The following DCAF5 variants were observed in gnomAD, a reference collection of about 807,000 sequenced individuals.
The protein encoded by DCAF5 is DDB1- and CUL4-associated factor 5.
A neutral mutation model predicts 80.7 loss-of-function variants in DCAF5; 9 were observed. That is an observed-to-expected ratio of 0.11 (90% CI 0.07 to 0.19). The LOEUF is 0.19. Among genes scored for constraint, DCAF5 ranks in the 10% least tolerant of loss-of-function variants. The probability of loss-of-function intolerance (pLI) is 1.00; values close to 1 mark genes in which losing one functional copy is unlikely to be tolerated. For missense variants in DCAF5, 842 were observed against 1,205.7 expected (o/e 0.70, Z 4.47); for synonymous variants, 433 against 461.9 (o/e 0.94, Z 0.80).
intron 5 of DCAF5, among the ~76,000 whole-genome samples, chr14:69,097,751 T>C (rs1406525124): frequency 6.6e-6 from 1 of 151,776 alleles, no homozygotes; most frequent in African/African-American, 2.4e-5. Context: ...TATGCCTGGC[T>C]AATTTTTGTA....
Position 69,116,478 on chromosome 14 carries a change from T to A in DCAF5, c.553A>T (p.Asn185Tyr). The change falls in exon 5 of 9, where the codon AAC becomes TAC. Residue 185 changes from asparagine (N) to tyrosine (Y), a missense_variant. Asn to Tyr is a moderately radical substitution (Grantham distance 143). Coordinates refer to ENST00000341516, the MANE Select transcript of DCAF5 (RefSeq NM_003861.3). ...ACACTATGAAAGGCTGATGGATAGTTTGCCAGGCAGAAGGGCTCTGTGGAA... is the reference window on the plus strand; with the variant it reads ...ACACTATGAAAGGCTGATGGATAGTATGCCAGGCAGAAGGGCTCTGTGGAA... ...SPHGEPFCLA[N>Y]YPSAFHSVMF... is the part of the protein sequence containing the mutation. 6.2e-7 allele frequency: 1 copy of A among 1,613,326 alleles called. No homozygotes were observed. Among genetic ancestry groups the A allele is most frequent in the Non-Finnish European group, 8.5e-7 (1 of 1,179,398 alleles).
intron 1 of DCAF5, among the ~76,000 whole-genome samples, chr14:69,148,242 C>G (rs766575220): frequency 6.6e-6 from 1 of 152,034 alleles, no homozygotes; most frequent in Non-Finnish European, 1.5e-5. Flanking sequence ...CCAAGATATC[C>G]CCTAAATATG....
intron 6 of DCAF5, among the ~76,000 whole-genome samples, chr14:69,087,257 A>G (rs1014458666): frequency 6.6e-6 from 1 of 152,178 alleles, no homozygotes; most frequent in African/African-American, 2.4e-5. Context: ...CCCTATTAAG[A>G]GACTCGCTCA....
At chr14:69,075,034 CAA>C (rs372341285) in intron 7 of DCAF5, among the ~76,000 whole-genome samples, 2 of 119,402 alleles carry the variant, frequency 1.7e-5, no homozygotes, top group Admixed American at 8.8e-5. Context: ...AACTTTGTCT[CAA>C]AAAAAAAAAA....
At chr14:69,115,229 A>C (rs1034122074) in intron 5 of DCAF5, among the ~76,000 whole-genome samples, 6 of 152,196 alleles carry the variant, frequency 3.9e-5, no homozygotes, top group Non-Finnish European at 7.3e-5. Context: ...CTGTAAAAGC[A>C]AGAGCCAGGT....
chr14:69,080,709 T>C (rs2039068386), intron 6 of DCAF5, among the ~76,000 whole-genome samples: 1 of 152,240 alleles, frequency 6.6e-6, no homozygotes, highest in South Asian at 2.1e-4. Context: ...AGGCAAGCTA[T>C]AGAAACATAG....
At position 69,054,213 on chromosome 14, in the gene DCAF5, G is replaced by A. The variant is rs1272146635; in HGVS notation, c.2473C>T (p.Leu825Phe). The A allele has an allele frequency of 1.2e-6, 2 of 1,614,130 alleles. No homozygotes were observed. Among genetic ancestry groups the A allele is most frequent in the Non-Finnish European group, 1.7e-6 (2 of 1,180,052 alleles). Reference protein sequence around the residue: ...TQSDDSEERSLETICANHNNG... With the variant: ...TQSDDSEERSFETICANHNNG... ...TTGTGGTTGGCACAGATGGTTTCGA[G>A]GCTCCTCTCCTCACTGTCATCAGAC... Residue 825 changes from leucine to phenylalanine, a missense_variant, in exon 9 of 9, where the codon CTC becomes TTC. Leu to Phe is a conservative substitution (Grantham distance 22). Coordinates refer to ENST00000341516, the MANE Select transcript of DCAF5 (RefSeq NM_003861.3).
In DCAF5 at chr14:69,152,809, T is replaced by C; in HGVS notation, c.170A>G (p.Asn57Ser). 6.2e-7 allele frequency: 1 copy of C among 1,614,018 alleles called. No homozygotes were observed. Among genetic ancestry groups the C allele is most frequent in the Non-Finnish European group, 8.5e-7 (1 of 1,179,964 alleles). Residue 57 changes from asparagine (N) to serine (S), a missense_variant, in exon 1 of 9, where the codon AAT becomes AGT. Asn to Ser is a conservative substitution (Grantham distance 46). Coordinates refer to ENST00000341516, the MANE Select transcript of DCAF5 (RefSeq NM_003861.3). This position sits in a 1 kb window ranked among gnomAD's most constrained non-coding sequence, Gnocchi z 4.1. ...TCCATTGTTGGAGAATTCAATGGCA[T>C]TGACACAGCCGAAGTGGCCGAGGAG... ...KDLLGHFGCV[N>S]AIEFSNNGGQ...
intron 1 of DCAF5, among the ~76,000 whole-genome samples, chr14:69,145,036 T>C (rs1193210290): frequency 2.0e-5 from 3 of 152,210 alleles, no homozygotes; most frequent in Non-Finnish European, 4.4e-5. Context: ...ATTTTTGCCA[T>C]ATCAACATAA....
chr14:69,068,294 A>G (rs1305557323), intron 7 of DCAF5, among the ~76,000 whole-genome samples: 1 of 152,248 alleles, frequency 6.6e-6, no homozygotes, highest in Non-Finnish European at 1.5e-5. Context: ...TAAAGCCCTC[A>G]TCATCCTCTC....
chr14:69,113,615 G>A (rs2040444299), intron 5 of DCAF5, among the ~76,000 whole-genome samples: 1 of 152,146 alleles, frequency 6.6e-6, no homozygotes. Flanking sequence ...CTAGGTTGGG[G>A]TTTCTAGGCA....
At chr14:69,081,342 C>A (rs1253401403) in intron 6 of DCAF5, among the ~76,000 whole-genome samples, 1 of 152,122 alleles carries the variant, frequency 6.6e-6, no homozygotes, top group Admixed American at 6.5e-5. Flanking sequence ...TGGGAAATAT[C>A]AATGCTAAAA....
intron 1 of DCAF5, among the ~76,000 whole-genome samples, chr14:69,125,807 G>GC (rs2040854547): frequency 6.6e-6 from 1 of 151,994 alleles, no homozygotes; most frequent in South Asian, 2.1e-4. Context: ...GGTAATAAAA[G>GC]CAAGTTTCGA....
chr14:69,136,971 G>A (rs1008174031), intron 1 of DCAF5, among the ~76,000 whole-genome samples: 1 of 152,166 alleles, frequency 6.6e-6, no homozygotes, highest in Non-Finnish European at 1.5e-5. Context: ...TATACTAAAT[G>A]TGTATCAAAA....
intron 1 of DCAF5, among the ~76,000 whole-genome samples, chr14:69,132,247 A>G (rs1595052253): frequency 1.3e-5 from 2 of 152,238 alleles, no homozygotes; most frequent in East Asian, 3.9e-4. Context: ...GCCCCATTTT[A>G]TATTCTCACC....
intron 1 of DCAF5, among the ~76,000 whole-genome samples, chr14:69,129,920 T>C (rs1452932947): frequency 2.6e-5 from 4 of 152,234 alleles, no homozygotes; most frequent in Admixed American, 2.6e-4. Flanking sequence ...CTACATACTC[T>C]GGTTTTGGTT....
chr14:69,057,275 G>C (rs1018654542), intron 8 of DCAF5, among the ~76,000 whole-genome samples: 7 of 152,246 alleles, frequency 4.6e-5, no homozygotes, highest in African/African-American at 1.4e-4. Flanking sequence ...TCTGCAAAGA[G>C]ATGTCTAAGG....
intron 5 of DCAF5, among the ~76,000 whole-genome samples, 190 bp from the exon 6 acceptor site, chr14:69,092,077 T>G (rs538047145): frequency 6.6e-6 from 1 of 152,344 alleles, no homozygotes; most frequent in South Asian, 2.1e-4. Context: ...TTACTTCAAT[T>G]GTCAGTTCTC....
At chr14:69,063,135 A>T (rs2038291339) in intron 7 of DCAF5, among the ~76,000 whole-genome samples, 1 of 152,238 alleles carries the variant, frequency 6.6e-6, no homozygotes, top group East Asian at 1.9e-4. Context: ...GCAGGGTCCA[A>T]GTATTGAAAA....
Sources: gnomAD v4.1 joint callset for allele counts (sites outside exome capture counted in the v4.1 genomes callset) on GRCh38, gnomAD v4.1.1 for gene constraint, Gnocchi (gnomAD v3.1) non-coding constraint, MANE v1.5 for transcripts, NCBI Gene and HGNC (gene_info 2026-07-23, HGNC 2026-07-21) for gene names.